STAG2: variants seen among roughly 807,000 people sequenced by gnomAD.
The protein encoded by STAG2 is STAG2 cohesin complex component.
Under a neutral mutation model 108.1 loss-of-function variants are expected in STAG2, and 14 were observed. The observed-to-expected ratio is 0.13, with a 90% CI of 0.09 to 0.20. The LOEUF (loss-of-function observed/expected upper bound fraction) is 0.20. Among genes scored for constraint, STAG2 ranks in the 10% least tolerant of loss-of-function variants. The pLI, the probability that STAG2 is intolerant of heterozygous loss-of-function variation, is 1.00. For synonymous variants in STAG2, 307 were observed against 302.7 expected, an observed-to-expected ratio of 1.01 and a Z score of -0.15; for missense variants, 440 against 940.9, an observed-to-expected ratio of 0.47 and a Z score of 6.96.
At chrX:123,985,370 C>T (rs1384226595) in intron 1 of STAG2, among the ~76,000 whole-genome samples, 1 of 110,864 alleles carries the variant, frequency 9.0e-6, no homozygotes, top group East Asian at 2.8e-4. Flanking sequence ...GCTGGGACTA[C>T]AGATGTCTGC....
intron 1 of STAG2, among the ~76,000 whole-genome samples, chrX:123,969,645 T>G (rs2054256906): frequency 9.1e-6 from 1 of 110,453 alleles, no homozygotes; most frequent in South Asian, 3.8e-4. Context: ...CAGTTTTCTT[T>G]TTCCTTTCTG....
chrX:124,099,082 TATTA>T (rs1211048874), intron 34 of STAG2, among the ~76,000 whole-genome samples: 1 of 111,987 alleles, frequency 8.9e-6, no homozygotes, highest in Non-Finnish European at 1.9e-5. Context: ...GAGATTCTCT[TATTA>T]GAATTATTTA....
intron 15 of STAG2, 119 bp from the exon 16 acceptor site, chrX:124,061,105 C>A (rs903610278): frequency 1.3e-5 from 6 of 452,428 alleles, no homozygotes; most frequent in Middle Eastern, 3.9e-4. Flanking sequence ...ATCTATTTGA[C>A]GTCAAAAAAT....
At chrX:124,086,437 GT>G (rs1343406813) in intron 29 of STAG2, 109 bp from the exon 30 acceptor site, 1 of 540,254 alleles carries the variant, frequency 1.9e-6, no homozygotes, top group Non-Finnish European at 3.0e-6. Context: ...TTAATGTCCT[GT>G]AAGGCTGAGT....
chrX:124,100,539 T>C (rs1448017795), intron 34 of STAG2, 35 bp from the exon 35 acceptor site: 1 of 1,150,849 alleles, frequency 8.7e-7, no homozygotes, highest in African/African-American at 1.8e-5. Context: ...GAATGACTTT[T>C]AACGAGATTT....
intron 32 of STAG2, 42 bp from the exon 33 acceptor site, chrX:124,093,976 C>T (rs746614808): frequency 3.0e-5 from 36 of 1,196,781 alleles, no homozygotes; most frequent in East Asian, 1.2e-4. Flanking sequence ...TTAATAGTCA[C>T]GACATTAGTT....
intron 1 of STAG2, among the ~76,000 whole-genome samples, chrX:123,984,465 G>T (rs954254147): frequency 2.7e-5 from 3 of 110,617 alleles, no homozygotes; most frequent in Admixed American, 9.7e-5. Flanking sequence ...CCAGTACTTG[G>T]TATTTTCTCA....
intron 1 of STAG2, among the ~76,000 whole-genome samples, chrX:124,004,503 T>A (rs187120489): frequency 1.3e-4 from 15 of 112,154 alleles, no homozygotes; most frequent in African/African-American, 3.9e-4. Flanking sequence ...TTTTCTAGGT[T>A]CATCCATGTT....
chrX:124,060,981 TAA>T (rs200374624), intron 15 of STAG2, among the ~76,000 whole-genome samples: 2 of 108,536 alleles, frequency 1.8e-5, no homozygotes, highest in Non-Finnish European at 3.8e-5. Flanking sequence ...ATAAAAATAA[TAA>T]AAAATTTTTT....
chrX:124,068,806 T>C (rs2058599391), intron 24 of STAG2, 150 bp downstream of exon 24: 2 of 362,233 alleles, frequency 5.5e-6, no homozygotes, highest in African/African-American at 2.7e-5. Context: ...TAGGTTAATA[T>C]ATTGGATTTG....
At chrX:124,072,667 C>G (rs2058692042) in intron 25 of STAG2, among the ~76,000 whole-genome samples, 1 of 104,490 alleles carries the variant, frequency 9.6e-6, no homozygotes, top group South Asian at 4.6e-4. Context: ...ATGAAAAGAA[C>G]CAAGTAATTA....
chrX:124,012,221 C>T (rs12395364), intron 1 of STAG2, among the ~76,000 whole-genome samples: 6,418 of 111,706 alleles, frequency 0.057, 161 homozygotes, highest in African/African-American at 0.093. Context: ...TAGGAATTTT[C>T]GCATCAATAT....
At chrX:124,043,869 A>C (rs778889705) in intron 7 of STAG2, among the ~76,000 whole-genome samples, 1 of 111,593 alleles carries the variant, frequency 9.0e-6, no homozygotes, top group Non-Finnish European at 1.9e-5. Context: ...ACATAGATTT[A>C]CTATAAATTA....
At chrX:124,036,810 A>C (rs1215382075) in intron 5 of STAG2, among the ~76,000 whole-genome samples, 1 of 111,704 alleles carries the variant, frequency 9.0e-6, no homozygotes, top group Non-Finnish European at 1.9e-5. Flanking sequence ...CATACTATAA[A>C]ATTTACCCTT....
chrX:124,025,605 A>G (rs1478697093), intron 3 of STAG2, among the ~76,000 whole-genome samples: 2 of 111,575 alleles, frequency 1.8e-5, no homozygotes, highest in East Asian at 5.5e-4. Context: ...AAATTAACAA[A>G]AATGTTTAGG....
At chrX:124,018,502 A>T (rs757753347) in intron 1 of STAG2, among the ~76,000 whole-genome samples, 3 of 110,450 alleles carry the variant, frequency 2.7e-5, no homozygotes, top group Non-Finnish European at 5.7e-5. Context: ...GGACGGATGG[A>T]TGGATAGATG....
intron 15 of STAG2, among the ~76,000 whole-genome samples, chrX:124,058,207 G>A (rs1181168783): frequency 1.0e-5 from 1 of 100,006 alleles, no homozygotes; most frequent in Non-Finnish European, 2.0e-5. Context: ...ACCCAGGCTG[G>A]AATACAGTGG....
intron 1 of STAG2, among the ~76,000 whole-genome samples, chrX:123,968,116 G>A (rs753655065): frequency 9.0e-6 from 1 of 110,770 alleles, no homozygotes; most frequent in South Asian, 3.8e-4. Flanking sequence ...GGTCAGGCTG[G>A]TCTCAAACGC....
At chrX:124,019,671 C>T (rs372162672) in intron 1 of STAG2, among the ~76,000 whole-genome samples, 1 of 111,347 alleles carries the variant, frequency 9.0e-6, no homozygotes. Context: ...CGCAGTGGCT[C>T]ACGCCTGTAA....
Sources: gnomAD v4.1 joint callset for allele counts (sites outside exome capture counted in the v4.1 genomes callset) on GRCh38, gnomAD v4.1.1 for gene constraint, MANE v1.5 for transcripts, NCBI Gene and HGNC (gene_info 2026-07-23, HGNC 2026-07-21) for gene names.